BFSP2: variants seen among roughly 807,000 people sequenced by gnomAD.
BFSP2 encodes the protein phakinin.
In BFSP2, 38 loss-of-function variants were observed where a neutral mutation model predicts 44.9. The ratio of observed to expected loss-of-function variants is 0.85; its 90% CI spans 0.65 to 1.11. BFSP2 has a LOEUF of 1.11. BFSP2 is among the 50% of genes least tolerant of loss of function. BFSP2 has a pLI of 0.00. For missense variants in BFSP2, 525 were observed against 533.0 expected, an observed-to-expected ratio of 0.99 and a Z score of 0.15; for synonymous variants, 197 against 209.9, an observed-to-expected ratio of 0.94 and a Z score of 0.53.
At chr3:133,435,777 A>C (rs1416394352) in intron 1 of BFSP2, among the ~76,000 whole-genome samples, 1 of 152,358 alleles carries the variant, frequency 6.6e-6, no homozygotes, top group African/African-American at 2.4e-5. Flanking sequence ...CTTCGTCTTC[A>C]ACATCATTTT....
chr3:133,444,594 G>C (rs1324990821), intron 1 of BFSP2, among the ~76,000 whole-genome samples: 1 of 152,102 alleles, frequency 6.6e-6, no homozygotes, highest in African/African-American at 2.4e-5. Flanking sequence ...GCCAATGAGG[G>C]AGGAAGAGAA....
chr3:133,437,362 A>G (rs1038299701), intron 1 of BFSP2, among the ~76,000 whole-genome samples: 1 of 152,154 alleles, frequency 6.6e-6, no homozygotes, highest in Non-Finnish European at 1.5e-5. Flanking sequence ...TGTCTCTACT[A>G]AAAATACAAA....
At chr3:133,430,565 G>C (rs550786741) in intron 1 of BFSP2, among the ~76,000 whole-genome samples, 1 of 152,044 alleles carries the variant, frequency 6.6e-6, no homozygotes, top group Admixed American at 6.6e-5. Flanking sequence ...GCCAGAAAAC[G>C]GCACTTTCAA....
At chr3:133,432,430 A>C (rs1439615266) in intron 1 of BFSP2, among the ~76,000 whole-genome samples, 1 of 152,002 alleles carries the variant, frequency 6.6e-6, no homozygotes, top group Non-Finnish European at 1.5e-5. Context: ...TTTCACCTGG[A>C]CTGACGCTGA....
At chr3:133,458,208 G>A (rs2074030496) in intron 4 of BFSP2, among the ~76,000 whole-genome samples, 1 of 152,174 alleles carries the variant, frequency 6.6e-6, no homozygotes, top group Non-Finnish European at 1.5e-5. Context: ...GCTTTTGTGT[G>A]TACTAGCAGA....
intron 1 of BFSP2, among the ~76,000 whole-genome samples, chr3:133,404,244 A>C (rs1024843198): frequency 5.3e-5 from 8 of 152,182 alleles, no homozygotes; most frequent in African/African-American, 1.9e-4. Flanking sequence ...TTAAAAGTGA[A>C]GTCTTGTGGG....
intron 1 of BFSP2, among the ~76,000 whole-genome samples, chr3:133,438,398 G>C (rs2073811481): frequency 6.6e-6 from 1 of 152,298 alleles, no homozygotes; most frequent in East Asian, 1.9e-4. Context: ...AGCTGGGTGT[G>C]GTGGCACATG....
At chr3:133,437,543 C>CAAAAA (rs1185067393) in intron 1 of BFSP2, among the ~76,000 whole-genome samples, 8 of 118,374 alleles carry the variant, frequency 6.8e-5, no homozygotes, top group Admixed American at 5.2e-4. Flanking sequence ...AACAAACAAA[C>CAAAAA]AAAAACCAAA....
chr3:133,438,176 G>A (rs1044384428), intron 1 of BFSP2, among the ~76,000 whole-genome samples: 1 of 152,168 alleles, frequency 6.6e-6, no homozygotes, highest in African/African-American at 2.4e-5. Context: ...GTCAGTAAAC[G>A]ATGTCTGTGG....
intron 1 of BFSP2, among the ~76,000 whole-genome samples, chr3:133,416,581 CCATCTCCCCTATACTCACCCCTG>C: frequency 8.4e-6 from 1 of 119,292 alleles, no homozygotes. Flanking sequence ...CTAACCCCTT[CCATCTCCCCTATACTCACCCCTG>C]CCATCTCCCC....
chr3:133,437,985 C>T (rs1206957065), intron 1 of BFSP2, among the ~76,000 whole-genome samples: 8 of 152,070 alleles, frequency 5.3e-5, no homozygotes, highest in Non-Finnish European at 7.4e-5. Context: ...TTTTGTCTTC[C>T]GTTTTGACCT....
At chr3:133,450,703 T>C (rs2073955447) in intron 4 of BFSP2, among the ~76,000 whole-genome samples, 1 of 152,242 alleles carries the variant, frequency 6.6e-6, no homozygotes, top group Admixed American at 6.5e-5. Flanking sequence ...TTCTCTACTG[T>C]ATTACTGAAG....
At chr3:133,468,409 C>T (rs902696919) in intron 5 of BFSP2, among the ~76,000 whole-genome samples, 2 of 152,194 alleles carry the variant, frequency 1.3e-5, no homozygotes, top group African/African-American at 4.8e-5. Flanking sequence ...CAGTGAATCA[C>T]TTGTTCTCTC....
chr3:133,403,935 A>G (rs1457590759), intron 1 of BFSP2, among the ~76,000 whole-genome samples: 1 of 152,118 alleles, frequency 6.6e-6, no homozygotes, highest in Non-Finnish European at 1.5e-5. Flanking sequence ...AAGCAACACG[A>G]AACTAGGGTG....
intron 5 of BFSP2, among the ~76,000 whole-genome samples, chr3:133,468,005 G>A (rs1436702618): frequency 6.6e-6 from 1 of 152,184 alleles, no homozygotes; most frequent in Non-Finnish European, 1.5e-5. Flanking sequence ...CTGCAAAATG[G>A]GTATGATAGT....
In BFSP2 at chr3:133,400,310, G is replaced by A. The variant is rs142499840; in HGVS notation, c.227G>A (p.Arg76Gln). The A allele has an allele frequency of 1.6e-4, 265 of 1,613,994 alleles. No individual in the cohort carries two copies. Among genetic ancestry groups the A allele is most frequent in the Middle Eastern group, 3.3e-4 (2 of 6,060 alleles). The stretch of plus-strand genomic sequence containing the variant: ...GGCTTGGGTGCCCGTGTGACCCGCC[G>A]GGCCCTCGGCATCAGCAGTGTCTTC... ...IGGLGARVTR[R>Q]ALGISSVFLQ... Residue 76 changes from arginine to glutamine, a missense_variant, in exon 1 of 7, where the codon CGG (arginine) becomes CAG (glutamine). Arg to Gln is a conservative substitution (Grantham distance 43, BLOSUM62 1). Coordinates refer to ENST00000302334, the MANE Select transcript of BFSP2 (RefSeq NM_003571.4). This position sits in a 1 kb window ranked among gnomAD's most constrained non-coding sequence, Gnocchi z 4.0.
chr3:133,432,764 G>A (rs948076488), intron 1 of BFSP2, among the ~76,000 whole-genome samples: 14 of 152,160 alleles, frequency 9.2e-5, no homozygotes, highest in South Asian at 2.1e-4. Context: ...GATCGTGTCC[G>A]ACTAATCTCT....
chr3:133,428,536 C>T lies in BFSP2; in HGVS notation c.490-18781C>T, dbSNP rs574710850. Among the ~76,000 whole-genome samples, 91 of 152,102 alleles carry T rather than the reference C, an allele frequency of 6.0e-4. 1 individual carries two copies. The highest frequency in any genetic ancestry group is 2.0e-3 in the African/African-American group (84 of 41,486). ...GTGACAGTACCTGCTGCAGCAGCCA[C>T]GCCTGGGATAGGAAAGGAGCACCTG... On this transcript the variant is annotated intron_variant, in intron 1 of 6. Transcript: ENST00000302334.
At chr3:133,421,189 A>G (rs1427988647) in intron 1 of BFSP2, among the ~76,000 whole-genome samples, 1 of 152,238 alleles carries the variant, frequency 6.6e-6, no homozygotes, top group East Asian at 1.9e-4. Context: ...TTAAATCAAC[A>G]AATGGAAGTG....
Sources: allele counts gnomAD v4.1 joint callset (sites outside exome capture counted in the v4.1 genomes callset), GRCh38; gene constraint gnomAD v4.1.1; non-coding constraint Gnocchi (gnomAD v3.1); transcripts MANE v1.5; gene names NCBI Gene and HGNC (gene_info 2026-07-23, HGNC 2026-07-21).